The following USP9X variants were observed in gnomAD, a reference collection of about 807,000 sequenced individuals.
The protein encoded by USP9X is ubiquitin carboxyl-terminal hydrolase 9X.
In USP9X, 7 loss-of-function variants were observed where a neutral mutation model predicts 190.3. The ratio of observed to expected loss-of-function variants is 0.04; its 90% CI spans 0.02 to 0.07. The LOEUF (loss-of-function observed/expected upper bound fraction) is 0.07, where lower values mean the gene tolerates loss of function less well. Among genes scored for constraint, USP9X ranks in the 10% least tolerant of loss-of-function variants. USP9X has a pLI of 1.00. For synonymous variants in USP9X, 645 were observed against 659.5 expected (o/e 0.98, Z 0.34); for missense variants, 1,010 against 1,916.9 (o/e 0.53, Z 8.83).
chrX:41,087,955 G>A (rs765827935), intron 1 of USP9X, among the ~76,000 whole-genome samples: 197 of 111,662 alleles, frequency 1.8e-3, no homozygotes, highest in Non-Finnish European at 2.5e-3. Flanking sequence ...CAGGTTATTG[G>A]GGTCTCTAGT....
At chrX:41,177,844 T>C (rs2062789104) in intron 21 of USP9X, among the ~76,000 whole-genome samples, 1 of 110,720 alleles carries the variant, frequency 9.0e-6, no homozygotes, top group African/African-American at 3.3e-5. Context: ...ATAACCATTG[T>C]AATGGTTATT....
chrX:41,125,423 CTT>C (rs886930871), intron 2 of USP9X, among the ~76,000 whole-genome samples: 1 of 106,523 alleles, frequency 9.4e-6, no homozygotes, highest in Non-Finnish European at 1.9e-5. Context: ...TTTTTAGTGT[CTT>C]TTGGTAAATT....
At chrX:41,223,168 A>T (rs1201466416) in intron 38 of USP9X, 49 bp from the exon 39 acceptor site, 1 of 1,145,701 alleles carries the variant, frequency 8.7e-7, no homozygotes, top group Non-Finnish European at 1.2e-6. Context: ...TTTTTTCCTC[A>T]TATTTTTCTC....
At chrX:41,193,987 C>T (rs1387042329) in intron 26 of USP9X, among the ~76,000 whole-genome samples, 1 of 111,866 alleles carries the variant, frequency 8.9e-6, no homozygotes, top group African/African-American at 3.3e-5. Context: ...GGCTGTATAC[C>T]TAGCTTATTG....
At chrX:41,112,077 T>C (rs2146960761) in intron 1 of USP9X, among the ~76,000 whole-genome samples, 1 of 112,051 alleles carries the variant, frequency 8.9e-6, no homozygotes, top group African/African-American at 3.2e-5. Flanking sequence ...ACTCCCGACC[T>C]CAGGTGATCT....
intron 1 of USP9X, among the ~76,000 whole-genome samples, chrX:41,111,028 G>GT (rs2062104838): frequency 9.0e-6 from 1 of 111,029 alleles, no homozygotes; most frequent in Non-Finnish European, 1.9e-5. Context: ...ATTTGACTTT[G>GT]TTTTTACTGT....
At chrX:41,101,230 C>T (rs934503344) in intron 1 of USP9X, among the ~76,000 whole-genome samples, 8 of 110,278 alleles carry the variant, frequency 7.3e-5, no homozygotes, top group South Asian at 3.8e-4. Flanking sequence ...TTAGCCCTTC[C>T]GGTGTTAATT....
chrX:41,124,296 G>A (rs1286920408), intron 2 of USP9X, among the ~76,000 whole-genome samples: 2 of 109,657 alleles, frequency 1.8e-5, no homozygotes, highest in Non-Finnish European at 3.8e-5. Flanking sequence ...AATAGAAAAA[G>A]TAGCTGGGTG....
intron 33 of USP9X, among the ~76,000 whole-genome samples, chrX:41,212,409 T>C (rs2063173048): frequency 1.0e-5 from 1 of 95,606 alleles, no homozygotes; most frequent in Admixed American, 1.2e-4. Context: ...ACTATTGTCC[T>C]ATGACCCTGC....
chrX:41,175,955 A>C (rs2147137438), intron 21 of USP9X, among the ~76,000 whole-genome samples: 1 of 108,440 alleles, frequency 9.2e-6, no homozygotes, highest in East Asian at 2.9e-4. Flanking sequence ...GCAGTGGCGC[A>C]ATCTCGGCTT....
intron 3 of USP9X, among the ~76,000 whole-genome samples, chrX:41,129,723 C>T (rs1406096154): frequency 1.8e-5 from 2 of 111,606 alleles, no homozygotes; most frequent in Non-Finnish European, 3.8e-5. Context: ...AAGAGCACAT[C>T]AAGGAATCCC....
chrX:41,184,520 T>A lies in USP9X; in HGVS notation c.3403T>A (p.Phe1135Ile). The stretch of plus-strand genomic sequence containing the variant: ...ACTGAGTATGCTAACCAGAAATAAC[T>A]TCCTACCGAATGCAGATATGGAAAC... ...LVLSMLTRNN[F>I]LPNADMETRR... Residue 1135 changes from phenylalanine (F) to isoleucine (I), a missense_variant, in exon 23 of 45, where the codon TTC becomes ATC. Physicochemically the swap from Phe to Ile is conservative, Grantham distance 21. Around this residue, in one of 11 missense-constraint regions of USP9X, gnomAD observed 351 missense variants for 480.8 expected, o/e 0.73. Transcript: ENST00000378308. 1.7e-6 allele frequency: 2 copies of A among 1,210,941 alleles called. No individual in the cohort carries two copies. Among genetic ancestry groups the A allele is most frequent in the Non-Finnish European group, 2.2e-6 (2 of 895,407 alleles).
chrX:41,224,724 G>C lies in USP9X; in HGVS notation c.6752-18G>C, dbSNP rs186692100. 16 of 1,169,687 alleles carry C rather than the reference G, an allele frequency of 1.4e-5. No homozygotes were observed. In the East Asian group the frequency reaches 4.5e-4, roughly 33 times the overall value. On this transcript the variant is annotated intron_variant, in intron 39 of 44. Transcript: ENST00000378308. ...AGAAGCTTATTAGTTTTTTATTGGT[G>C]ACAAATCTGTATTCTAGGTAATCCT... is the stretch of plus-strand genomic sequence containing the variant.
Position 41,171,976 on chromosome X carries a change from A to T in USP9X, c.3148+18A>T, listed in dbSNP as rs775321397. Reference sequence around the variant, plus strand: ...GCCGCCAGGTAAGAATTTTTAAATGATGATCAAGTACTTGCTGGACAATAA... The same window carrying T: ...GCCGCCAGGTAAGAATTTTTAAATGTTGATCAAGTACTTGCTGGACAATAA... On this transcript the variant is annotated intron_variant, in intron 21 of 44. Transcript: ENST00000378308. The T allele has an allele frequency of 7.5e-6, 9 of 1,206,542 alleles. No individual in the cohort carries two copies. The Admixed American group carries it at 1.1e-4, about 15-fold the overall frequency.
At chrX:41,210,977 TTC>T (rs2063152162) in intron 33 of USP9X, among the ~76,000 whole-genome samples, 1 of 110,898 alleles carries the variant, frequency 9.0e-6, no homozygotes, top group Admixed American at 9.7e-5. Flanking sequence ...TTCTTTTCCT[TTC>T]TCTTTTTTTT....
At chrX:41,128,889 GGCTATTTACAAAATTTTTAAATCTGCAAT>G in intron 2 of USP9X, 82 bp from the exon 3 acceptor site, 1 of 800,871 alleles carries the variant, frequency 1.2e-6, no homozygotes, top group Non-Finnish European at 1.8e-6. Flanking sequence ...GGATATGTAG[GGCTATTTACAAAATTTTTAAATCTGCAAT>G]GCTTGTCTAT....
rs915117214 is a variant in USP9X at position 41,218,364 on chromosome X, TA to T, written c.6210-7del. On this transcript the variant is annotated splice_region_variant and splice_polypyrimidine_tract_variant and intron_variant, in intron 36 of 44. Transcript: ENST00000378308. ...TTAATAGTCATAGGTTTTTTTGTTT[TA>T]TTTTAGGTATGATGCATTGTGTATT... 3.0e-5 allele frequency: 36 copies of T among 1,207,723 alleles called. No homozygotes were observed. The highest frequency in any genetic ancestry group is 4.0e-5 in the Non-Finnish European group (36 of 893,353).
At chrX:41,225,266 C>A in intron 41 of USP9X, 129 bp downstream of exon 41, 1 of 535,671 alleles carries the variant, frequency 1.9e-6, no homozygotes, top group Non-Finnish European at 3.0e-6. Flanking sequence ...AAACCTAGGA[C>A]AAGGGTAAAT....
At chrX:41,208,497 GC>G (rs1282074360) in intron 32 of USP9X, among the ~76,000 whole-genome samples, 1 of 111,709 alleles carries the variant, frequency 9.0e-6, no homozygotes, top group Non-Finnish European at 1.9e-5. Flanking sequence ...CTTGACACAA[GC>G]GGGTTAGTTA....
Sources: allele counts gnomAD v4.1 joint callset (sites outside exome capture counted in the v4.1 genomes callset), GRCh38; gene constraint gnomAD v4.1.1; regional missense constraint gnomAD v4.1.1; transcripts MANE v1.5; gene names NCBI Gene and HGNC (gene_info 2026-07-23, HGNC 2026-07-21).